EFNA5: variants seen among roughly 807,000 people sequenced by gnomAD.
EFNA5 encodes ephrin A5, also known as ephrin-A5.
A neutral mutation model predicts 22.9 loss-of-function variants in EFNA5; 5 were observed. The observed-to-expected ratio is 0.22, with a 90% CI of 0.11 to 0.46. The LOEUF is 0.46. Ranked by LOEUF, EFNA5 falls within the 20% of genes least tolerant of loss-of-function variation. The probability of loss-of-function intolerance (pLI) is 0.99; values close to 1 mark genes in which losing one functional copy is unlikely to be tolerated. For synonymous variants in EFNA5, 113 were observed against 112.2 expected, an observed-to-expected ratio of 1.01 and a Z score of -0.04; for missense variants, 237 against 293.3, an observed-to-expected ratio of 0.81 and a Z score of 1.40.
rs138815238 is a variant in EFNA5 at position 107,606,023 on chromosome 5, T to C, written c.125+64466A>G. On this transcript the variant is annotated intron_variant, in intron 1 of 4. Transcript: ENST00000333274. ...GGTGATCAAAAACAGAGACGAGCAGTGGACTACACTTGTGAATAGCACTCA... is the reference window on the plus strand; with the variant it reads ...GGTGATCAAAAACAGAGACGAGCAGCGGACTACACTTGTGAATAGCACTCA... 3.3e-5 allele frequency among the ~76,000 whole-genome samples: 5 copies of C among 152,324 alleles called. No homozygotes were observed. In the East Asian group the frequency reaches 9.7e-4, roughly 29 times the overall value.
intron 1 of EFNA5, among the ~76,000 whole-genome samples, chr5:107,456,325 G>A (rs1749699159): frequency 6.6e-6 from 1 of 152,104 alleles, no homozygotes; most frequent in South Asian, 2.1e-4. Context: ...AAGCACTGAA[G>A]GAAGAAAAAA....
chr5:107,670,914 G>A lies in EFNA5; in HGVS notation c.-301C>T. ...GAGAAGCGTGCGTGTGTGTGGTGGC[G>A]GCGGCGAGGGCGGGGGAAGAGGTGC... On this transcript the variant is annotated 5_prime_UTR_variant, in exon 1 of 5. Transcript: ENST00000333274. 3.3e-6 allele frequency: 1 copy of A among 307,156 alleles called. No homozygotes were observed. Among genetic ancestry groups the A allele is most frequent in the Non-Finnish European group, 6.0e-6 (1 of 167,812 alleles). The allele number at this position is 307,156 out of a possible 1,614,324, so 19.0% of individuals were successfully genotyped here. A position where few individuals can be genotyped will look rare whatever the true frequency, so the allele number is the denominator to read the frequency against.
At chr5:107,660,145 T>C (rs1317910766) in intron 1 of EFNA5, among the ~76,000 whole-genome samples, 1 of 150,928 alleles carries the variant, frequency 6.6e-6, no homozygotes, top group Non-Finnish European at 1.5e-5. Flanking sequence ...CCCTTTGCTT[T>C]TGATGCTGTA....
At chr5:107,382,213 A>G (rs1417590751) in intron 4 of EFNA5, among the ~76,000 whole-genome samples, 3 of 152,192 alleles carry the variant, frequency 2.0e-5, no homozygotes, top group Non-Finnish European at 4.4e-5. Flanking sequence ...CCTGATCTGC[A>G]TGATTAACAG....
chr5:107,482,205 T>C (rs1024442067), intron 1 of EFNA5, among the ~76,000 whole-genome samples: 4 of 151,012 alleles, frequency 2.6e-5, no homozygotes, highest in African/African-American at 4.9e-5. Context: ...ATTGGAGAGG[T>C]TGAGGTGGGA....
At chr5:107,512,384 AC>A (rs1195961437) in intron 1 of EFNA5, among the ~76,000 whole-genome samples, 3,337 of 152,136 alleles carry the variant, frequency 0.022, 120 homozygotes, top group African/African-American at 0.075. Flanking sequence ...AACAACAACA[AC>A]AACAAAAAAC....
intron 1 of EFNA5, among the ~76,000 whole-genome samples, chr5:107,642,543 T>C (rs1750550601): frequency 6.6e-6 from 1 of 151,956 alleles, no homozygotes; most frequent in Non-Finnish European, 1.5e-5. Flanking sequence ...CTTCTTTCCC[T>C]GGAACGCAAG....
At chr5:107,414,734 T>A (rs1748459636) in intron 2 of EFNA5, among the ~76,000 whole-genome samples, 1 of 152,152 alleles carries the variant, frequency 6.6e-6, no homozygotes. Context: ...ACTAACACAT[T>A]GTAGCTAAAG....
At chr5:107,431,442 A>G (rs1308064156) in intron 1 of EFNA5, among the ~76,000 whole-genome samples, 1 of 152,202 alleles carries the variant, frequency 6.6e-6, no homozygotes, top group African/African-American at 2.4e-5. Context: ...GGCTAATATT[A>G]GAGTGCTTAT....
intron 1 of EFNA5, among the ~76,000 whole-genome samples, chr5:107,500,050 C>T (rs2112424453): frequency 1.3e-5 from 2 of 152,322 alleles, no homozygotes; most frequent in East Asian, 3.9e-4. Flanking sequence ...TGTGATTTGG[C>T]ATTGACAGTG....
intron 1 of EFNA5, among the ~76,000 whole-genome samples, chr5:107,436,636 C>T (rs1394012639): frequency 6.6e-6 from 1 of 152,106 alleles, no homozygotes; most frequent in African/African-American, 2.4e-5. Flanking sequence ...TAGAGTTTTA[C>T]ACCCCCCAGC....
At chr5:107,647,976 GATA>G (rs1438223354) in intron 1 of EFNA5, among the ~76,000 whole-genome samples, 4 of 152,166 alleles carry the variant, frequency 2.6e-5, no homozygotes, top group Admixed American at 2.6e-4. Flanking sequence ...AGGTGGATTA[GATA>G]ATATTTAGGC....
intron 1 of EFNA5, among the ~76,000 whole-genome samples, chr5:107,587,050 T>C (rs967015609): frequency 6.6e-6 from 1 of 152,202 alleles, no homozygotes; most frequent in Non-Finnish European, 1.5e-5. Context: ...AGATTTCTTG[T>C]AGATTGCATT....
chr5:107,402,661 C>T (rs1172466759), intron 2 of EFNA5, among the ~76,000 whole-genome samples: 1 of 152,164 alleles, frequency 6.6e-6, no homozygotes, highest in Non-Finnish European at 1.5e-5. Context: ...TACGCACCTT[C>T]CATTGATAGC....
intron 1 of EFNA5, among the ~76,000 whole-genome samples, chr5:107,638,171 T>A: frequency 6.6e-6 from 1 of 152,056 alleles, no homozygotes; most frequent in East Asian, 1.9e-4. Context: ...ACTTTTTTAG[T>A]CCACTTTTGC....
intron 1 of EFNA5, among the ~76,000 whole-genome samples, chr5:107,647,161 A>G (rs1035453055): frequency 1.3e-5 from 2 of 152,174 alleles, no homozygotes; most frequent in African/African-American, 2.4e-5. Flanking sequence ...TATGTATTTA[A>G]GTAAAATGAT....
chr5:107,413,569 A>G (rs1192385885), intron 2 of EFNA5, among the ~76,000 whole-genome samples: 1 of 152,130 alleles, frequency 6.6e-6, no homozygotes, highest in East Asian at 1.9e-4. Context: ...TTCCTTCGAA[A>G]CTGTTGGTCC....
chr5:107,649,781 CCAGG>C (rs2112551694), intron 1 of EFNA5, among the ~76,000 whole-genome samples: 1 of 152,230 alleles, frequency 6.6e-6, no homozygotes, highest in East Asian at 1.9e-4. Context: ...ATACTATGCG[CCAGG>C]CATTTTTCTA....
chr5:107,637,200 G>A (rs1001633874), intron 1 of EFNA5, among the ~76,000 whole-genome samples: 7 of 151,958 alleles, frequency 4.6e-5, no homozygotes, highest in Admixed American at 2.6e-4. Context: ...AAATAAAATC[G>A]TAATATAATT....
Sources: gnomAD v4.1 joint callset for allele counts (sites outside exome capture counted in the v4.1 genomes callset) on GRCh38, gnomAD v4.1.1 for gene constraint, MANE v1.5 for transcripts, NCBI Gene and HGNC (gene_info 2026-07-23, HGNC 2026-07-21) for gene names.